Variants in AGMO observed in about 807,000 individuals in gnomAD.
AGMO encodes glyceryl-ether monooxygenase.
AGMO carries 75 observed loss-of-function variants against 60.2 expected under a neutral mutation model. The ratio of observed to expected loss-of-function variants is 1.25; its 90% CI spans 1.03 to 1.51. The LOEUF is 1.51. Ranked by LOEUF, AGMO falls within the 40% of genes most tolerant of loss-of-function variation. AGMO has a pLI of 0.00. For synonymous variants in AGMO, 261 were observed against 177.1 expected, an observed-to-expected ratio of 1.47 and a Z score of -3.76; for missense variants, 763 against 525.5, an observed-to-expected ratio of 1.45 and a Z score of -4.42.
the AGMO span, among the ~76,000 whole-genome samples, chr7:15,166,958 G>A: frequency 6.6e-5 from 10 of 152,240 alleles, no homozygotes; most frequent in South Asian, 2.1e-3. Flanking sequence ...TATCCATTCA[G>A]TAGAATGTCC....
chr7:15,254,779 A>T (rs1783047104), intron 12 of AGMO, among the ~76,000 whole-genome samples: 1 of 152,108 alleles, frequency 6.6e-6, no homozygotes, highest in Admixed American at 6.5e-5. Context: ...ATCAGAGATG[A>T]AAAAGGGGAC....
intron 5 of AGMO, among the ~76,000 whole-genome samples, chr7:15,407,206 C>T (rs142626411): frequency 0.01 from 1,366 of 136,590 alleles, 22 homozygotes; most frequent in African/African-American, 0.035. Flanking sequence ...GGTCAGAAGA[C>T]TTGAAAGGCC....
At chr7:15,422,842 C>T (rs1780962926) in intron 4 of AGMO, among the ~76,000 whole-genome samples, 1 of 152,124 alleles carries the variant, frequency 6.6e-6, no homozygotes, top group Non-Finnish European at 1.5e-5. Flanking sequence ...ACTGGATTTA[C>T]TCATGGCCTG....
At chr7:15,354,383 CGTGT>C (rs1170641446) in intron 12 of AGMO, among the ~76,000 whole-genome samples, 266 of 12,102 alleles carry the variant, frequency 0.022, 52 homozygotes, top group African/African-American at 0.1. Flanking sequence ...TGTGTATACA[CGTGT>C]GTGTATACAC....
intron 2 of AGMO, among the ~76,000 whole-genome samples, chr7:15,554,937 T>C (rs1374098919): frequency 6.6e-6 from 1 of 151,960 alleles, no homozygotes; most frequent in African/African-American, 2.4e-5. Context: ...TTAAGCTGAA[T>C]GAGCCCTAAA....
the AGMO span, among the ~76,000 whole-genome samples, chr7:15,118,647 G>A: frequency 3.3e-5 from 5 of 152,022 alleles, no homozygotes; most frequent in Admixed American, 6.6e-5. Flanking sequence ...TGAAACCAGA[G>A]AAGTGATGAG....
chr7:15,149,049 A>C, the AGMO span, among the ~76,000 whole-genome samples: 1 of 152,094 alleles, frequency 6.6e-6, no homozygotes, highest in African/African-American at 2.4e-5. Flanking sequence ...TGTGATTTTG[A>C]TTTGCATTTC....
chr7:15,135,168 G>A, the AGMO span, among the ~76,000 whole-genome samples: 3 of 60,814 alleles, frequency 4.9e-5, no homozygotes, highest in Admixed American at 6.3e-4. Context: ...GAGTTTGTGT[G>A]TGTGTGTGTG....
chr7:15,297,087 G>A (rs1004380615), intron 12 of AGMO, among the ~76,000 whole-genome samples: 1 of 151,860 alleles, frequency 6.6e-6, no homozygotes, highest in African/African-American at 2.4e-5. Context: ...GACACAATCA[G>A]TACAGAGAAG....
At position 15,381,597 on chromosome 7, in the gene AGMO, G is replaced by A. The variant is rs146033739; in HGVS notation, c.1074+3849C>T. Reference sequence around the variant, plus strand: ...GGTGGGAATGTAAATTAGTTCAATCGTTGTGGAAGACAGTGTGGAATTCCT... The same window carrying A: ...GGTGGGAATGTAAATTAGTTCAATCATTGTGGAAGACAGTGTGGAATTCCT... On this transcript the variant is annotated intron_variant, in intron 10 of 12. Coordinates refer to ENST00000342526, the MANE Select transcript of AGMO (RefSeq NM_001004320.2). Among the ~76,000 whole-genome samples, 1,510 of 152,136 alleles carry A rather than the reference G, an allele frequency of 9.9e-3. 29 individuals carry two copies. The highest frequency in any genetic ancestry group is 0.034 in the African/African-American group (1,432 of 41,532).
chr7:15,413,153 A>T (rs1397284801), intron 5 of AGMO, among the ~76,000 whole-genome samples: 1 of 152,240 alleles, frequency 6.6e-6, no homozygotes. Context: ...CTGTTTATTT[A>T]AAAAAGCCAA....
chr7:15,434,519 T>C lies in AGMO; in HGVS notation c.410-3411A>G, dbSNP rs192796737. Among the ~76,000 whole-genome samples, 320 of 152,200 alleles carry C rather than the reference T, an allele frequency of 2.1e-3. 1 individual carries two copies. Among genetic ancestry groups the C allele is most frequent in the African/African-American group, 7.1e-3 (296 of 41,530 alleles). ...CTGGCTACCTTGTTATGAGCTCCCT[T>C]TGAAGAAATACATATGTCAGGGAAG... On this transcript the variant is annotated intron_variant, in intron 3 of 12. Coordinates refer to ENST00000342526, the MANE Select transcript of AGMO (RefSeq NM_001004320.2).
chr7:15,301,857 G>T (rs909611819), intron 12 of AGMO, among the ~76,000 whole-genome samples: 1 of 151,854 alleles, frequency 6.6e-6, no homozygotes, highest in Admixed American at 6.6e-5. Context: ...ATATAGAAAT[G>T]GGCTCAAGAA....
chr7:15,462,240 C>T (rs940724711), intron 3 of AGMO, among the ~76,000 whole-genome samples: 3 of 152,056 alleles, frequency 2.0e-5, no homozygotes, highest in African/African-American at 7.2e-5. Flanking sequence ...ACTATTTTAG[C>T]TCAAGAACTG....
At chr7:15,256,840 T>C (rs1205580083) in intron 12 of AGMO, among the ~76,000 whole-genome samples, 1 of 152,204 alleles carries the variant, frequency 6.6e-6, no homozygotes, top group East Asian at 1.9e-4. Flanking sequence ...CACTCTATGA[T>C]GTTCACCAAC....
intron 9 of AGMO, 118 bp downstream of exon 9, chr7:15,387,288 C>G: frequency 8.2e-7 from 1 of 1,220,020 alleles, no homozygotes; most frequent in Non-Finnish European, 1.1e-6. Flanking sequence ...AGGACTGCAT[C>G]TGACTGGGGG....
intron 12 of AGMO, among the ~76,000 whole-genome samples, chr7:15,322,544 AT>A (rs1482393266): frequency 1.7e-5 from 1 of 59,726 alleles, no homozygotes; most frequent in Admixed American, 3.3e-4. Context: ...AAATATATAT[AT>A]AAATATATAT....
At chr7:15,534,155 T>C (rs1304576224) in intron 3 of AGMO, among the ~76,000 whole-genome samples, 3 of 152,062 alleles carry the variant, frequency 2.0e-5, no homozygotes, top group African/African-American at 4.8e-5. Flanking sequence ...GCAATTTTTT[T>C]CAAGTCATTT....
chr7:15,230,924 C>G (rs1010152007), intron 12 of AGMO, among the ~76,000 whole-genome samples: 1 of 152,134 alleles, frequency 6.6e-6, no homozygotes, highest in African/African-American at 2.4e-5. Context: ...GAAGTCATCA[C>G]TTTCTCTGGT....
Sources: gnomAD v4.1 joint callset for allele counts (sites outside exome capture counted in the v4.1 genomes callset) on GRCh38, gnomAD v4.1.1 for gene constraint, MANE v1.5 for transcripts, NCBI Gene and HGNC (gene_info 2026-07-23, HGNC 2026-07-21) for gene names.